The following ANKRD30BL variants were observed in gnomAD, a reference collection of about 807,000 sequenced individuals.
ANKRD30BL encodes putative ankyrin repeat domain-containing protein 30B-like.
A neutral mutation model predicts 18.4 loss-of-function variants in ANKRD30BL; 20 were observed. That is an observed-to-expected ratio of 1.09 (90% CI 0.77 to 1.58). ANKRD30BL has a LOEUF of 1.58. ANKRD30BL is among the 40% of genes most tolerant of loss of function. ANKRD30BL has a pLI of 0.00. For missense variants in ANKRD30BL, 224 were observed against 268.6 expected (o/e 0.83, Z 1.16); for synonymous variants, 72 against 100.9 (o/e 0.71, Z 1.72).
intron 1 of ANKRD30BL, among the ~76,000 whole-genome samples, chr2:132,222,051 G>T (rs1380466273): frequency 3.4e-5 from 4 of 116,538 alleles, no homozygotes; most frequent in East Asian, 2.9e-4. Context: ...GGCGGGGGGG[G>T]GGGTCGGCCA....
At chr2:132,257,332 C>T (rs1161883488) in intron 1 of ANKRD30BL, among the ~76,000 whole-genome samples, 1 of 152,240 alleles carries the variant, frequency 6.6e-6, no homozygotes, top group Non-Finnish European at 1.5e-5. Flanking sequence ...CGGCTCACAG[C>T]GGAACGGGTC....
At chr2:132,161,348 C>G (rs948833930) in intron 1 of ANKRD30BL, 140 bp downstream of exon 1, 113 of 838,574 alleles carry the variant, frequency 1.3e-4, no homozygotes, top group Non-Finnish European at 2.0e-4. Context: ...GACCTCGGGG[C>G]CCAGGACGGC....
chr2:132,153,584 C>T (rs745394772), intron 4 of ANKRD30BL: 16 of 639,418 alleles, frequency 2.5e-5, no homozygotes, highest in African/African-American at 9.3e-5. Flanking sequence ...AACAGCATAA[C>T]GTTCTGCAAT....
intron 1 of ANKRD30BL, among the ~76,000 whole-genome samples, chr2:132,210,940 T>C (rs1359994350): frequency 2.0e-5 from 3 of 146,542 alleles, no homozygotes; most frequent in Non-Finnish European, 3.0e-5. Flanking sequence ...TGTGCATTCA[T>C]CTCACAGAGT....
chr2:132,243,740 T>A (rs1173914870), intron 1 of ANKRD30BL, among the ~76,000 whole-genome samples: 1 of 151,822 alleles, frequency 6.6e-6, no homozygotes. Flanking sequence ...GATCTTCACA[T>A]AAAAACAAGA....
chr2:132,238,473 C>T (rs878980176), intron 1 of ANKRD30BL, among the ~76,000 whole-genome samples: 2 of 152,054 alleles, frequency 1.3e-5, no homozygotes, highest in South Asian at 4.1e-4. Context: ...CAGAAGCATT[C>T]TCAGAAACTT....
intron 1 of ANKRD30BL, among the ~76,000 whole-genome samples, chr2:132,248,558 G>C (rs960093421): frequency 2.4e-4 from 36 of 152,090 alleles, no homozygotes; most frequent in African/African-American, 8.4e-4. Context: ...TGAGATGGAT[G>C]CACATATCAC....
intron 1 of ANKRD30BL, among the ~76,000 whole-genome samples, chr2:132,242,838 G>A (rs1680374952): frequency 6.6e-6 from 1 of 151,656 alleles, no homozygotes; most frequent in African/African-American, 2.4e-5. Context: ...TCTGCAAGTG[G>A]CCATTTTGTG....
chr2:132,199,160 G>A (rs137981405), intron 1 of ANKRD30BL, among the ~76,000 whole-genome samples: 264 of 152,072 alleles, frequency 1.7e-3, no homozygotes, highest in African/African-American at 6.1e-3. Flanking sequence ...GACCATTTTG[G>A]CCAAGATGGT....
chr2:132,186,400 A>G lies in ANKRD30BL; in HGVS notation n.442-29254T>C, dbSNP rs372419164. Among the ~76,000 whole-genome samples, 41 of 152,320 alleles carry G rather than the reference A, an allele frequency of 2.7e-4. 1 individual carries two copies. The East Asian group carries it at 7.5e-3, about 28-fold the overall frequency. On this transcript the variant is annotated intron_variant and non_coding_transcript_variant, in intron 1 of 4. Transcript: ENST00000470729. Reference sequence around the variant, plus strand: ...AAAGAGGCTGGTATTGAACATGTATATGTTTACTATATTCTAATAATTGTC... The same window carrying G: ...AAAGAGGCTGGTATTGAACATGTATGTGTTTACTATATTCTAATAATTGTC...
chr2:132,158,520 T>C (rs1687972657), intron 1 of ANKRD30BL, among the ~76,000 whole-genome samples: 1 of 151,950 alleles, frequency 6.6e-6, no homozygotes, highest in African/African-American at 2.4e-5. Context: ...TGAGATTCAT[T>C]CCTAGTACTC....
At chr2:132,245,911 T>G (rs1680486138) in intron 1 of ANKRD30BL, among the ~76,000 whole-genome samples, 1 of 150,970 alleles carries the variant, frequency 6.6e-6, no homozygotes. Flanking sequence ...TATTTGAAAT[T>G]GGACATTTGG....
At chr2:132,211,058 A>T (rs2104757548) in intron 1 of ANKRD30BL, among the ~76,000 whole-genome samples, 1 of 152,058 alleles carries the variant, frequency 6.6e-6, no homozygotes, top group South Asian at 2.1e-4. Flanking sequence ...ATATCTTCAC[A>T]TAAAAACTAG....
chr2:132,167,498 T>C (rs1255768203), intron 1 of ANKRD30BL, among the ~76,000 whole-genome samples: 3 of 152,024 alleles, frequency 2.0e-5, no homozygotes, highest in Non-Finnish European at 4.4e-5. Context: ...AACTTTTGTA[T>C]TTTTAATAGA....
intron 1 of ANKRD30BL, among the ~76,000 whole-genome samples, chr2:132,225,236 T>C (rs1478551442): frequency 6.6e-6 from 1 of 152,052 alleles, no homozygotes; most frequent in African/African-American, 2.4e-5. Context: ...TTTCTTTTGA[T>C]AGAGCAGGTT....
intron 1 of ANKRD30BL, among the ~76,000 whole-genome samples, chr2:132,203,217 G>A (rs1315167890): frequency 1.3e-5 from 2 of 152,294 alleles, no homozygotes; most frequent in African/African-American, 4.8e-5. Context: ...AAACACACAA[G>A]TTCAAGGAGC....
intron 1 of ANKRD30BL, among the ~76,000 whole-genome samples, chr2:132,232,554 C>T (rs946006959): frequency 6.6e-6 from 1 of 151,938 alleles, no homozygotes; most frequent in Non-Finnish European, 1.5e-5. Flanking sequence ...GCCTCAGGAG[C>T]TGATGCAATC....
intron 1 of ANKRD30BL, among the ~76,000 whole-genome samples, chr2:132,186,495 G>C (rs1362597400): frequency 6.6e-6 from 1 of 152,136 alleles, no homozygotes; most frequent in Non-Finnish European, 1.5e-5. Context: ...TGCCCATTTT[G>C]GTGAAGGAAC....
intron 1 of ANKRD30BL, among the ~76,000 whole-genome samples, chr2:132,220,064 G>T (rs1378491458): frequency 6.6e-6 from 1 of 152,238 alleles, no homozygotes; most frequent in Non-Finnish European, 1.5e-5. Flanking sequence ...AACTCACAGA[G>T]TTGGACATAC....
Sources: allele counts gnomAD v4.1 joint callset (sites outside exome capture counted in the v4.1 genomes callset), GRCh38; gene constraint gnomAD v4.1.1; transcripts MANE v1.5; gene names NCBI Gene and HGNC (gene_info 2026-07-23, HGNC 2026-07-21).